Variants in SYBU observed in about 807,000 individuals in gnomAD.
The protein encoded by SYBU is GOLSYN A protein.
SYBU carries 21 observed loss-of-function variants against 35.9 expected under a neutral mutation model. That is an observed-to-expected ratio of 0.58 (90% CI 0.41 to 0.84). SYBU has a LOEUF of 0.84. Ranked by LOEUF, SYBU falls within the 40% of genes least tolerant of loss-of-function variation. The pLI, the probability that SYBU is intolerant of heterozygous loss-of-function variation, is 0.00. For missense variants in SYBU, 768 were observed against 848.2 expected (o/e 0.91, Z 1.17); for synonymous variants, 319 against 324.3 (o/e 0.98, Z 0.18).
chr8:109,622,901 C>G (rs117374436), intron 2 of SYBU, among the ~76,000 whole-genome samples: 39 of 152,252 alleles, frequency 2.6e-4, no homozygotes, highest in Non-Finnish European at 5.4e-4. Flanking sequence ...GAAGGCCTGA[C>G]AAAACTATGA....
At chr8:109,670,375 C>A (rs1015534563) in intron 1 of SYBU, among the ~76,000 whole-genome samples, 4 of 148,294 alleles carry the variant, frequency 2.7e-5, no homozygotes, top group Non-Finnish European at 5.9e-5. Flanking sequence ...TTAGGTATAT[C>A]TAAAAAAAAA....
intron 1 of SYBU, among the ~76,000 whole-genome samples, chr8:109,674,867 T>C (rs1817126311): frequency 6.6e-6 from 1 of 152,158 alleles, no homozygotes; most frequent in Non-Finnish European, 1.5e-5. Flanking sequence ...ATCACACTTA[T>C]TCTAATATAG....
Position 109,585,992 on chromosome 8 carries a change from A to C in SYBU, c.530+68T>G, listed in dbSNP as rs1462009524. ...CGGACAGTAATCCGGGTGGTTCTAC[A>C]GATGCACAGGTGCAGGTGAGTCACC... On this transcript the variant is annotated intron_variant, in intron 4 of 6. Transcript: ENST00000276646. 2.8e-6 allele frequency: 3 copies of C among 1,057,430 alleles called. No individual in the cohort carries two copies. The African/African-American group carries it at 4.7e-5, about 17-fold the overall frequency. The allele number at this position is 1,057,430 out of a possible 1,614,324, so 65.5% of individuals were successfully genotyped here.
intron 2 of SYBU, among the ~76,000 whole-genome samples, chr8:109,632,963 C>G (rs1813808140): frequency 6.6e-6 from 1 of 152,176 alleles, no homozygotes; most frequent in Non-Finnish European, 1.5e-5. Flanking sequence ...AGAAAACTGC[C>G]TTGCACACAA....
chr8:109,627,572 C>A (rs922310447), intron 2 of SYBU, among the ~76,000 whole-genome samples: 1 of 152,108 alleles, frequency 6.6e-6, no homozygotes, highest in Admixed American at 6.6e-5. Flanking sequence ...ATTTCATGGG[C>A]ACAGAGCTGC....
At chr8:109,634,930 A>C (rs562905107) in intron 2 of SYBU, among the ~76,000 whole-genome samples, 1 of 151,956 alleles carries the variant, frequency 6.6e-6, no homozygotes, top group Non-Finnish European at 1.5e-5. Flanking sequence ...TCTCTCCCTC[A>C]GTCTCTCTGT....
chr8:109,578,513 C>T (rs1822625173), intron 5 of SYBU, among the ~76,000 whole-genome samples: 1 of 152,166 alleles, frequency 6.6e-6, no homozygotes, highest in Non-Finnish European at 1.5e-5. Flanking sequence ...TAATGGGTGA[C>T]CTCACTTCAG....
At chr8:109,649,808 G>T (rs1325121413), upstream of SYBU, among the ~76,000 whole-genome samples, 3 of 152,212 alleles carry the variant, frequency 2.0e-5, no homozygotes, top group African/African-American at 7.2e-5. Flanking sequence ...TTAGGAAAAT[G>T]AATCAGAATG....
At chr8:109,677,487 C>G in intron 1 of SYBU, among the ~76,000 whole-genome samples, 1 of 152,190 alleles carries the variant, frequency 6.6e-6, no homozygotes, top group African/African-American at 2.4e-5. Context: ...TGAATTAATC[C>G]TCTTTGAAAA....
chr8:109,618,700 C>T, intron 3 of SYBU, 142 bp downstream of exon 3: 1 of 774,954 alleles, frequency 1.3e-6, no homozygotes. Context: ...CACTTTCCAC[C>T]CTGCCTCCTT....
At chr8:109,644,539 C>T in intron 1 of SYBU, 97 bp downstream of exon 1, 2 of 1,412,516 alleles carry the variant, frequency 1.4e-6, no homozygotes, top group South Asian at 2.5e-5. Flanking sequence ...TCCCCAGACT[C>T]TAAATGTCAC....
chr8:109,618,866 A>T lies in SYBU; in HGVS notation c.403T>A (p.Ser135Thr). The T allele has an allele frequency of 6.2e-7, 1 of 1,614,186 alleles. No individual in the cohort carries two copies. The highest frequency in any genetic ancestry group is 8.5e-7 in the Non-Finnish European group (1 of 1,179,998). Residue 135 changes from serine to threonine, a missense_variant, in exon 3 of 7, where the codon TCA becomes ACA. Physicochemically the swap from Ser to Thr is moderately conservative, Grantham distance 58 (BLOSUM62 1). Coordinates refer to ENST00000276646, the MANE Select transcript of SYBU (RefSeq NM_001099754.2). ...SIQSSRYKKE[S>T]KSGLVKPGSE... The stretch of plus-strand genomic sequence containing the variant: ...CCTGGTTTCACAAGGCCTGACTTTG[A>T]TTCCTTCTTATATCGAGAGGACTGA...
intron 2 of SYBU, among the ~76,000 whole-genome samples, chr8:109,635,370 C>T (rs551142866): frequency 3.3e-5 from 5 of 152,170 alleles, no homozygotes; most frequent in Non-Finnish European, 7.3e-5. Flanking sequence ...AATGCTCATT[C>T]TCAGGTGTCT....
rs1563725861 is a variant in SYBU at position 109,615,991 on chromosome 8, TC to T, written c.427+2850del. Among the ~76,000 whole-genome samples, 202 of 133,574 alleles carry T rather than the reference TC, an allele frequency of 1.5e-3. 1 individual carries two copies. The highest frequency in any genetic ancestry group is 5.9e-3 in the African/African-American group (192 of 32,584). 87.6% of individuals were successfully genotyped at this position (133,574 alleles called of 152,430 possible). On this transcript the variant is annotated intron_variant, in intron 3 of 6. Coordinates refer to ENST00000276646, the MANE Select transcript of SYBU (RefSeq NM_001099754.2). ...TTCCTTTATTCCCTGTAATTTCTTT[TC>T]TTTTCTTTTCTTTCTTTTTTTTTTT...
chr8:109,607,212 A>AC lies in SYBU; in HGVS notation c.427+11629dup, dbSNP rs1219818187. On this transcript the variant is annotated intron_variant, in intron 3 of 6. Transcript: ENST00000276646. ...CCCAACCTTTATGCTCTTGGAATGTACAGTAAAGAGGAAGTGTTAGGTCAA... is the reference window on the plus strand; with the variant it reads ...CCCAACCTTTATGCTCTTGGAATGTACCAGTAAAGAGGAAGTGTTAGGTCAA... 7.9e-5 allele frequency among the ~76,000 whole-genome samples: 12 copies of AC among 152,222 alleles called. 1 individual carries two copies. Among genetic ancestry groups the AC allele is most frequent in the Admixed American group, 2.0e-4 (3 of 15,280 alleles).
chr8:109,686,030 T>C (rs997416879), intron 1 of SYBU, among the ~76,000 whole-genome samples: 1 of 152,180 alleles, frequency 6.6e-6, no homozygotes, highest in Non-Finnish European at 1.5e-5. Context: ...CACTCAAATA[T>C]ACAAGCTAGT....
chr8:109,627,447 G>A (rs1482834457), intron 2 of SYBU, among the ~76,000 whole-genome samples: 4 of 152,042 alleles, frequency 2.6e-5, no homozygotes, highest in South Asian at 2.1e-4. Context: ...GCATTTATAA[G>A]GCAAGAAAAC....
At chr8:109,645,267 G>A, upstream of SYBU, 1 of 456,692 alleles carries the variant, frequency 2.2e-6, no homozygotes, top group Non-Finnish European at 4.4e-6. Context: ...TCGCCCGAGA[G>A]CTGCAGAGAT....
At chr8:109,633,198 C>T (rs148072694) in intron 2 of SYBU, among the ~76,000 whole-genome samples, 10 of 152,072 alleles carry the variant, frequency 6.6e-5, no homozygotes, top group Non-Finnish European at 1.5e-4. Context: ...CATAAACACT[C>T]CAGAATCAAT....
Sources: gnomAD v4.1 joint callset for allele counts (sites outside exome capture counted in the v4.1 genomes callset) on GRCh38, gnomAD v4.1.1 for gene constraint, MANE v1.5 for transcripts, NCBI Gene and HGNC (gene_info 2026-07-23, HGNC 2026-07-21) for gene names.